The following PLPP1 variants were observed in gnomAD, a reference collection of about 807,000 sequenced individuals.
The protein encoded by PLPP1 is lipid phosphate phosphohydrolase 1a.
In PLPP1, 24 loss-of-function variants were observed where a neutral mutation model predicts 31.2. The observed-to-expected ratio is 0.77, with a 90% CI of 0.56 to 1.08. The LOEUF (loss-of-function observed/expected upper bound fraction) is 1.08. Ranked by LOEUF, PLPP1 falls within the 50% of genes least tolerant of loss-of-function variation. The pLI, the probability that PLPP1 is intolerant of heterozygous loss-of-function variation, is 0.00. For missense variants in PLPP1, 319 were observed against 342.7 expected, an observed-to-expected ratio of 0.93 and a Z score of 0.55; for synonymous variants, 146 against 126.3, an observed-to-expected ratio of 1.16 and a Z score of -1.05.
chr5:55,483,533 A>G (rs756574440), intron 1 of PLPP1, among the ~76,000 whole-genome samples: 1 of 151,950 alleles, frequency 6.6e-6, no homozygotes, highest in African/African-American at 2.4e-5. Flanking sequence ...TTAGCCAGGC[A>G]TGGTGGCACA....
At chr5:55,449,014 C>T (rs1365968682) in intron 3 of PLPP1, among the ~76,000 whole-genome samples, 1 of 152,160 alleles carries the variant, frequency 6.6e-6, no homozygotes, top group Non-Finnish European at 1.5e-5. Context: ...AGTCTGTATA[C>T]GTTCAGTACA....
At chr5:55,475,242 A>G in intron 2 of PLPP1, 57 bp downstream of exon 2, 1 of 1,465,596 alleles carries the variant, frequency 6.8e-7, no homozygotes, top group South Asian at 1.3e-5. Context: ...AAAGAGTAAC[A>G]GAAAATTAAG....
intron 3 of PLPP1, among the ~76,000 whole-genome samples, chr5:55,447,529 G>A (rs537075201): frequency 6.6e-6 from 1 of 152,208 alleles, no homozygotes; most frequent in Non-Finnish European, 1.5e-5. Context: ...AAAAACTCTC[G>A]TGCTCACACA....
In PLPP1 at chr5:55,518,744, T is replaced by TACTA. The variant is rs577787797; in HGVS notation, c.58+15824_58+15827dup. Among the ~76,000 whole-genome samples the TACTA allele has an allele frequency of 8.3e-4, 127 of 152,336 alleles. 1 individual carries two copies. Among genetic ancestry groups the TACTA allele is most frequent in the African/African-American group, 3.0e-3 (125 of 41,576 alleles). The stretch of plus-strand genomic sequence containing the variant: ...CTTATATACCATGTGCTCCTTGTCT[T>TACTA]ACTACCTGAATCCATTGGTGTCAAC... On this transcript the variant is annotated intron_variant, in intron 1 of 5. Coordinates refer to ENST00000307259, the MANE Select transcript of PLPP1 (RefSeq NM_003711.4).
chr5:55,444,966 T>G (rs1053963297), intron 3 of PLPP1, among the ~76,000 whole-genome samples: 1 of 152,242 alleles, frequency 6.6e-6, no homozygotes, highest in South Asian at 2.1e-4. Flanking sequence ...GCCAGGCTGG[T>G]CTTGAACTCC....
chr5:55,496,205 TGTTAAA>T (rs68049559), intron 1 of PLPP1, among the ~76,000 whole-genome samples: 9,269 of 152,200 alleles, frequency 0.061, 507 homozygotes, highest in African/African-American at 0.13. Flanking sequence ...GAGAGTTCTG[TGTTAAA>T]GTTAGTGTTC....
Position 55,513,568 on chromosome 5 carries a change from G to A in PLPP1, c.58+21004C>T, listed in dbSNP as rs148354759. Among the ~76,000 whole-genome samples the A allele has an allele frequency of 1.6e-4, 25 of 151,734 alleles. No individual in the cohort carries two copies. The East Asian group carries it at 3.3e-3, about 20-fold the overall frequency. On this transcript the variant is annotated intron_variant, in intron 1 of 5. Transcript: ENST00000307259. Reference sequence around the variant, plus strand: ...ATTACAGGCATGAGCCACTGCGCCCGGCCTATATTAACTCTTGAAGAAAGC... The same window carrying A: ...ATTACAGGCATGAGCCACTGCGCCCAGCCTATATTAACTCTTGAAGAAAGC...
intron 1 of PLPP1, among the ~76,000 whole-genome samples, chr5:55,483,831 T>A (rs1273142751): frequency 6.6e-6 from 1 of 152,046 alleles, no homozygotes; most frequent in Non-Finnish European, 1.5e-5. Context: ...CAATACTTGG[T>A]CTATTAAATG....
intron 1 of PLPP1, among the ~76,000 whole-genome samples, chr5:55,492,166 A>T (rs538788950): frequency 6.6e-6 from 1 of 152,280 alleles, no homozygotes; most frequent in Non-Finnish European, 1.5e-5. Flanking sequence ...TGTTTTATAC[A>T]AACTCACTCA....
chr5:55,463,914 A>G (rs1462880578), intron 3 of PLPP1, among the ~76,000 whole-genome samples: 1 of 151,940 alleles, frequency 6.6e-6, no homozygotes, highest in Non-Finnish European at 1.5e-5. Context: ...TATTCAGAAT[A>G]TATAAAGAAC....
chr5:55,434,209 G>T (rs965484183), intron 4 of PLPP1, among the ~76,000 whole-genome samples: 2 of 151,484 alleles, frequency 1.3e-5, no homozygotes, highest in Non-Finnish European at 2.9e-5. Context: ...GACACCTAGG[G>T]ATCTATTTAA....
chr5:55,464,964 AGAG>A (rs752942672), intron 3 of PLPP1, among the ~76,000 whole-genome samples: 1 of 152,212 alleles, frequency 6.6e-6, no homozygotes, highest in Non-Finnish European at 1.5e-5. Flanking sequence ...GCTATTTAAA[AGAG>A]TAGTTCGACT....
chr5:55,521,117 C>T (rs753592592), intron 1 of PLPP1, among the ~76,000 whole-genome samples: 2 of 152,172 alleles, frequency 1.3e-5, no homozygotes, highest in Non-Finnish European at 1.5e-5. Flanking sequence ...TTCTGGGAGG[C>T]TGAGGTGGGC....
intron 3 of PLPP1, among the ~76,000 whole-genome samples, chr5:55,446,497 C>T (rs1751768387): frequency 6.6e-6 from 1 of 152,140 alleles, no homozygotes; most frequent in Non-Finnish European, 1.5e-5. Context: ...ATTCTAATAT[C>T]TGTAATCTCT....
chr5:55,443,375 AG>A (rs1751680305), intron 3 of PLPP1, among the ~76,000 whole-genome samples: 1 of 151,836 alleles, frequency 6.6e-6, no homozygotes, highest in Admixed American at 6.6e-5. Flanking sequence ...GTCTACGTAA[AG>A]GAAGAAAAAT....
At chr5:55,434,722 T>C (rs1347666018) in intron 4 of PLPP1, among the ~76,000 whole-genome samples, 3 of 152,088 alleles carry the variant, frequency 2.0e-5, no homozygotes, top group Non-Finnish European at 2.9e-5. Flanking sequence ...GATATCCATA[T>C]GCAGAAGAAT....
chr5:55,483,662 A>G lies in PLPP1; in HGVS notation c.59-8212T>C, dbSNP rs1023331349. 3.1e-5 allele frequency among the ~76,000 whole-genome samples: 3 copies of G among 97,762 alleles called. No homozygotes were observed. The Admixed American group carries it at 3.9e-4, about 13-fold the overall frequency. The allele number at this position is 97,762 out of a possible 152,430, so 64.1% of individuals were successfully genotyped here. A position where few individuals can be genotyped will look rare whatever the true frequency, so the allele number is the denominator to read the frequency against. On this transcript the variant is annotated intron_variant, in intron 1 of 5. Transcript: ENST00000307259. ...ACTCTAGCCTGGGTGACAAAGGGAGACTGTCTCAAAAAAAAAAAAAAAAAA... is the reference window on the plus strand; with the variant it reads ...ACTCTAGCCTGGGTGACAAAGGGAGGCTGTCTCAAAAAAAAAAAAAAAAAA...
chr5:55,453,090 T>C (rs1192511877), intron 3 of PLPP1, among the ~76,000 whole-genome samples: 1 of 152,190 alleles, frequency 6.6e-6, no homozygotes, highest in Non-Finnish European at 1.5e-5. Flanking sequence ...TATTTAATTA[T>C]CCAAGATAAT....
intron 1 of PLPP1, among the ~76,000 whole-genome samples, chr5:55,500,253 G>T (rs1230129319): frequency 6.6e-6 from 1 of 151,732 alleles, no homozygotes; most frequent in African/African-American, 2.4e-5. Flanking sequence ...CTAATTTTTT[G>T]TATTTTTAGT....
Sources: allele counts gnomAD v4.1 joint callset (sites outside exome capture counted in the v4.1 genomes callset), GRCh38; gene constraint gnomAD v4.1.1; transcripts MANE v1.5; gene names NCBI Gene and HGNC (gene_info 2026-07-23, HGNC 2026-07-21).